The following RCOR1 variants were observed in gnomAD, a reference collection of about 807,000 sequenced individuals.
RCOR1 encodes REST corepressor 1.
A neutral mutation model predicts 64.0 loss-of-function variants in RCOR1; 12 were observed. The ratio of observed to expected loss-of-function variants is 0.19; its 90% CI spans 0.12 to 0.30. RCOR1 has a LOEUF of 0.30. Ranked by LOEUF, RCOR1 falls within the 10% of genes least tolerant of loss-of-function variation. The pLI is 1.00. For missense variants in RCOR1, 502 were observed against 621.2 expected, an observed-to-expected ratio of 0.81 and a Z score of 2.04; for synonymous variants, 279 against 227.2, an observed-to-expected ratio of 1.23 and a Z score of -2.05.
chr14:102,698,145 C>A (rs1895683530), intron 3 of RCOR1, among the ~76,000 whole-genome samples: 1 of 152,230 alleles, frequency 6.6e-6, no homozygotes, highest in African/African-American at 2.4e-5. Flanking sequence ...CTGTTACTGT[C>A]TTGTTGTTCC....
chr14:102,647,117 T>C (rs1894492139), intron 2 of RCOR1, among the ~76,000 whole-genome samples: 1 of 152,114 alleles, frequency 6.6e-6, no homozygotes, highest in Non-Finnish European at 1.5e-5. Context: ...ACCCACTGAG[T>C]GCCCAGCGCA....
intron 2 of RCOR1, among the ~76,000 whole-genome samples, chr14:102,672,926 C>T (rs1895058176): frequency 6.6e-6 from 1 of 152,104 alleles, no homozygotes; most frequent in African/African-American, 2.4e-5. Flanking sequence ...GAGTATTTTC[C>T]TTAGTGTTGG....
chr14:102,604,916 C>G (rs1893472725), intron 2 of RCOR1, among the ~76,000 whole-genome samples: 1 of 151,788 alleles, frequency 6.6e-6, no homozygotes, highest in African/African-American at 2.4e-5. Context: ...AACCCTGTCT[C>G]TACTAAAAAT....
chr14:102,602,810 A>G (rs775397417), intron 2 of RCOR1, among the ~76,000 whole-genome samples: 1 of 151,262 alleles, frequency 6.6e-6, no homozygotes. Context: ...GGCTCAAGTG[A>G]TCCTCCTGTC....
chr14:102,680,235 A>G (rs1185833395), intron 2 of RCOR1, among the ~76,000 whole-genome samples: 1 of 152,148 alleles, frequency 6.6e-6, no homozygotes. Context: ...ATTATTTCCT[A>G]CAACCTTACT....
chr14:102,724,294 C>G (rs1014169071), intron 11 of RCOR1, among the ~76,000 whole-genome samples: 3 of 151,996 alleles, frequency 2.0e-5, no homozygotes, highest in Admixed American at 6.6e-5. Flanking sequence ...TTTCACTCCG[C>G]TAGTCATTTA....
chr14:102,671,392 G>T (rs1895030072), intron 2 of RCOR1, among the ~76,000 whole-genome samples: 1 of 151,604 alleles, frequency 6.6e-6, no homozygotes, highest in African/African-American at 2.4e-5. Flanking sequence ...TCTGTGTTTT[G>T]TTTGTTTGTT....
At chr14:102,714,392 G>A in intron 7 of RCOR1, 31 bp from the exon 8 acceptor site, 1 of 1,458,940 alleles carries the variant, frequency 6.9e-7, no homozygotes, top group South Asian at 1.4e-5. Flanking sequence ...CTTTTTTTAA[G>A]TTTCATTCAT....
intron 2 of RCOR1, among the ~76,000 whole-genome samples, chr14:102,606,055 A>G (rs1893500599): frequency 1.3e-5 from 2 of 152,048 alleles, no homozygotes; most frequent in Non-Finnish European, 2.9e-5. Context: ...CCTCGTGAAT[A>G]GCTGGGATTA....
At chr14:102,620,989 A>G (rs890789371) in intron 2 of RCOR1, among the ~76,000 whole-genome samples, 4 of 152,202 alleles carry the variant, frequency 2.6e-5, no homozygotes, top group Non-Finnish European at 5.9e-5. Context: ...CTTAGTCCTT[A>G]GTGTCATTAA....
chr14:102,647,429 G>A (rs1486129207), intron 2 of RCOR1, among the ~76,000 whole-genome samples: 1 of 152,052 alleles, frequency 6.6e-6, no homozygotes, highest in African/African-American at 2.4e-5. Flanking sequence ...CAGTTCTCCT[G>A]CCTCAGCCTC....
intron 2 of RCOR1, among the ~76,000 whole-genome samples, chr14:102,593,748 C>T (rs1468093081): frequency 6.6e-6 from 1 of 152,192 alleles, no homozygotes; most frequent in African/African-American, 2.4e-5. Context: ...CGGAACCCTT[C>T]CCAAAGGCTG....
chr14:102,592,867 C>T lies in RCOR1; in HGVS notation c.-20C>T. On this transcript the variant is annotated 5_prime_UTR_variant, in exon 1 of 12. Coordinates refer to ENST00000262241, the MANE Select transcript of RCOR1 (RefSeq NM_015156.4). ...GAGCCGCGGGTCCCCGCCACTTTCGCACGGCCCCGGCCCCCGCCGATGCCG... is the reference window on the plus strand; with the variant it reads ...GAGCCGCGGGTCCCCGCCACTTTCGTACGGCCCCGGCCCCCGCCGATGCCG... The T allele has an allele frequency of 8.4e-7, 1 of 1,186,084 alleles. No individual in the cohort carries two copies. Among genetic ancestry groups the T allele is most frequent in the Non-Finnish European group, 1.0e-6 (1 of 960,688 alleles). 73.5% of individuals were successfully genotyped at this position (1,186,084 alleles called of 1,614,324 possible). A position where few individuals can be genotyped will look rare whatever the true frequency, so the allele number is the denominator to read the frequency against.
In RCOR1 at chr14:102,630,496, G is replaced by A. The variant is rs1256308609; in HGVS notation, c.361+37171G>A. 9.2e-5 allele frequency among the ~76,000 whole-genome samples: 14 copies of A among 152,290 alleles called. 1 individual carries two copies. The highest frequency in any genetic ancestry group is 2.6e-4 in the Admixed American group (4 of 15,288). ...CTTATAGATTCAAAGTATCTGCTTAGCATGTACTCCATTCAAAGCAACTGT... is the reference window on the plus strand; with the variant it reads ...CTTATAGATTCAAAGTATCTGCTTAACATGTACTCCATTCAAAGCAACTGT... On this transcript the variant is annotated intron_variant, in intron 2 of 11. Transcript: ENST00000262241.
chr14:102,656,145 TA>T, intron 2 of RCOR1: 2 of 975,396 alleles, frequency 2.1e-6, no homozygotes, highest in South Asian at 4.7e-5. Context: ...TTATTTTTTT[TA>T]TTTTTTTTTT....
chr14:102,657,369 G>C (rs1463328301), intron 2 of RCOR1: 3 of 985,188 alleles, frequency 3.0e-6, no homozygotes, highest in Non-Finnish European at 3.6e-6. Context: ...CCTAATTTAA[G>C]ACCGATTTAC....
intron 2 of RCOR1, among the ~76,000 whole-genome samples, chr14:102,634,700 A>G (rs956380341): frequency 4.7e-5 from 7 of 150,534 alleles, no homozygotes; most frequent in Non-Finnish European, 8.9e-5. Flanking sequence ...ATGTGTGTAT[A>G]TATATATATT....
chr14:102,636,449 TTGTATTTG>T (rs967683482), intron 2 of RCOR1, among the ~76,000 whole-genome samples: 42 of 151,886 alleles, frequency 2.8e-4, no homozygotes, highest in African/African-American at 9.9e-4. Context: ...CGCTAACTTT[TTGTATTTG>T]TTTACTAGAG....
chr14:102,688,738 T>C (rs927294013), intron 3 of RCOR1, among the ~76,000 whole-genome samples: 5 of 152,144 alleles, frequency 3.3e-5, no homozygotes, highest in Non-Finnish European at 7.4e-5. Context: ...CACTGTTCCA[T>C]CATTTACTCC....
Sources: gnomAD v4.1 joint callset for allele counts (sites outside exome capture counted in the v4.1 genomes callset) on GRCh38, gnomAD v4.1.1 for gene constraint, MANE v1.5 for transcripts, NCBI Gene and HGNC (gene_info 2026-07-23, HGNC 2026-07-21) for gene names.